The following ST3GAL4 variants were observed in gnomAD, a reference collection of about 807,000 sequenced individuals.
ST3GAL4 encodes ST3 beta-galactoside alpha-2,3-sialyltransferase 4, also known as CMP-N-acetylneuraminate-beta-galactosamide-alpha-2,3-sialyltransferase 4.
Under a neutral mutation model 42.6 loss-of-function variants are expected in ST3GAL4, and 24 were observed. That is an observed-to-expected ratio of 0.56 (90% CI 0.41 to 0.79). The LOEUF is 0.79. Ranked by LOEUF, ST3GAL4 falls within the 30% of genes least tolerant of loss-of-function variation. ST3GAL4 has a pLI of 0.00. For missense variants in ST3GAL4, 311 were observed against 430.8 expected (o/e 0.72, Z 2.46); for synonymous variants, 135 against 163.2 (o/e 0.83, Z 1.32).
chr11:126,412,525 A>T (rs978006219), intron 9 of ST3GAL4, among the ~76,000 whole-genome samples: 3 of 152,200 alleles, frequency 2.0e-5, no homozygotes, highest in African/African-American at 4.8e-5. Context: ...AGTAAGGTGA[A>T]TGGGAAAGGT....
In ST3GAL4 at chr11:126,379,706, G is replaced by C. The variant is rs1026060907; in HGVS notation, c.-61+23864G>C. On this transcript the variant is annotated intron_variant, in intron 1 of 10. Transcript: ENST00000444328. This position sits in a 1 kb window ranked among gnomAD's most constrained non-coding sequence, Gnocchi z 4.2. ...TTGGCCAGGCTGGTCTCAAACTCCTGACCTTAGGCGATCCAACCACCTTGG... is the reference window on the plus strand; with the variant it reads ...TTGGCCAGGCTGGTCTCAAACTCCTCACCTTAGGCGATCCAACCACCTTGG... 6.6e-6 allele frequency among the ~76,000 whole-genome samples: 1 copy of C among 152,024 alleles called. No individual in the cohort carries two copies. The highest frequency in any genetic ancestry group is 2.4e-5 in the African/African-American group (1 of 41,380).
intron 1 of ST3GAL4, among the ~76,000 whole-genome samples, chr11:126,389,010 T>C (rs1953362959): frequency 6.6e-6 from 1 of 152,128 alleles, no homozygotes; most frequent in Non-Finnish European, 1.5e-5. Context: ...ACTCGTGACC[T>C]CAGGTGATCC....
At position 126,397,025 on chromosome 11, in the gene ST3GAL4, C is replaced by A. The variant is rs1376924560; in HGVS notation, c.-60-9071C>A. Among the ~76,000 whole-genome samples the A allele has an allele frequency of 1.3e-5, 2 of 151,976 alleles. No homozygotes were observed. The highest frequency in any genetic ancestry group is 2.9e-5 in the Non-Finnish European group (2 of 68,004). On this transcript the variant is annotated intron_variant, in intron 1 of 10. Coordinates refer to ENST00000444328, the MANE Select transcript of ST3GAL4 (RefSeq NM_001254757.2). This position sits in a 1 kb window ranked among gnomAD's most constrained non-coding sequence, Gnocchi z 5.0. ...GAGGCCAGAGATGGCTGCTAAACAC[C>A]CCATAATACACAAGACAGACCCCGC...
At chr11:126,385,511 A>C (rs907737728) in intron 1 of ST3GAL4, among the ~76,000 whole-genome samples, 2 of 152,186 alleles carry the variant, frequency 1.3e-5, no homozygotes, top group African/African-American at 4.8e-5. Flanking sequence ...TGCATAGAGT[A>C]TAGAGATTAA....
In ST3GAL4 at chr11:126,376,048, T is replaced by TAG. The variant is rs1952824415; in HGVS notation, c.-61+20206_-61+20207insAG. On this transcript the variant is annotated intron_variant, in intron 1 of 10. Coordinates refer to ENST00000444328, the MANE Select transcript of ST3GAL4 (RefSeq NM_001254757.2). The surrounding 1 kb of genome is among the most constrained non-coding windows in gnomAD (Gnocchi z 5.1). ...CCACATTCTTGGCAGTTTAATAGAA[T>TAG]CTAGAGATATAAAGAAGTTCCTGAC... Among the ~76,000 whole-genome samples the TAG allele has an allele frequency of 6.6e-6, 1 of 152,062 alleles. No homozygotes were observed. The highest frequency in any genetic ancestry group is 1.5e-5 in the Non-Finnish European group (1 of 68,006).
At chr11:126,368,468 C>G (rs1285309798) in intron 1 of ST3GAL4, among the ~76,000 whole-genome samples, 1 of 152,234 alleles carries the variant, frequency 6.6e-6, no homozygotes, top group African/African-American at 2.4e-5. Context: ...CTTGGGGTCC[C>G]CAGCCTGCGC....
At chr11:126,405,556 C>G (rs1954191175) in intron 1 of ST3GAL4, 2 of 162,388 alleles carry the variant, frequency 1.2e-5, no homozygotes, top group Admixed American at 6.0e-5. Flanking sequence ...TAGCCCCACC[C>G]TCACTCCCCA....
intron 1 of ST3GAL4, among the ~76,000 whole-genome samples, chr11:126,388,292 G>A (rs1226713017): frequency 6.6e-6 from 1 of 152,140 alleles, no homozygotes. Flanking sequence ...TTACATTAAG[G>A]TAAATATTCA....
chr11:126,365,827 C>T (rs900512001), intron 1 of ST3GAL4, among the ~76,000 whole-genome samples: 4 of 152,134 alleles, frequency 2.6e-5, no homozygotes, highest in Non-Finnish European at 5.9e-5. Context: ...TGAGACGGGC[C>T]CAGAGGACAG....
At chr11:126,402,023 GT>G (rs774169273) in intron 1 of ST3GAL4, among the ~76,000 whole-genome samples, 6 of 148,376 alleles carry the variant, frequency 4.0e-5, no homozygotes, top group Non-Finnish European at 8.9e-5. Context: ...GAAAAGAGGA[GT>G]CATTGATTGG....
At chr11:126,372,148 C>T (rs559910473) in intron 1 of ST3GAL4, among the ~76,000 whole-genome samples, 8 of 152,238 alleles carry the variant, frequency 5.3e-5, no homozygotes, top group South Asian at 4.1e-4. Context: ...GCTACCATCC[C>T]GCCATCCAGC....
chr11:126,407,593 G>A lies in ST3GAL4; in HGVS notation c.300G>A (p.Val100=), dbSNP rs994122401. ...TKGSEDLLLR[V]LAITSSSIPK... Reference sequence around the variant, plus strand: ...TTGTAGAGGATCTGCTCCTCCGGGTGCTAGCCATCACCAGCTCCTCCATCC... The same window carrying A: ...TTGTAGAGGATCTGCTCCTCCGGGTACTAGCCATCACCAGCTCCTCCATCC... Residue 100 remains valine (V), a synonymous_variant, in exon 6 of 11, where the codon GTG becomes GTA. Coordinates refer to ENST00000444328, the MANE Select transcript of ST3GAL4 (RefSeq NM_001254757.2). 6.2e-7 allele frequency: 1 copy of A among 1,614,046 alleles called. No homozygotes were observed. Among genetic ancestry groups the A allele is most frequent in the African/African-American group, 1.3e-5 (1 of 74,918 alleles).
At chr11:126,361,069 C>T (rs758767990) in intron 1 of ST3GAL4, among the ~76,000 whole-genome samples, 3 of 152,160 alleles carry the variant, frequency 2.0e-5, no homozygotes, top group South Asian at 2.1e-4. Context: ...ACCACAGGGT[C>T]GGCTGGCCAC....
At chr11:126,371,164 T>A (rs1157349556) in intron 1 of ST3GAL4, among the ~76,000 whole-genome samples, 2 of 46,172 alleles carry the variant, frequency 4.3e-5, no homozygotes, top group East Asian at 7.5e-4. Context: ...CCCACATTCC[T>A]TTTTTTTTTT....
At chr11:126,362,522 A>C (rs548660779) in intron 1 of ST3GAL4, among the ~76,000 whole-genome samples, 12 of 152,258 alleles carry the variant, frequency 7.9e-5, no homozygotes, top group Admixed American at 3.9e-4. Context: ...TCTTAATGGG[A>C]TAATGTTTCA....
rs544392091 is a variant in ST3GAL4, at chr11:126,412,673, C to G, written c.772-832C>G. Among the ~76,000 whole-genome samples, 8 of 152,282 alleles carry G rather than the reference C, an allele frequency of 5.3e-5. No individual in the cohort carries two copies. In the South Asian group the frequency reaches 1.7e-3, roughly 32 times the overall value. The stretch of plus-strand genomic sequence containing the variant: ...CCTGGGCAACGTGGTGAAACCCCAT[C>G]TCTTTAAAAAAATAGAGCGCCACCC... On this transcript the variant is annotated intron_variant, in intron 9 of 10. Coordinates refer to ENST00000444328, the MANE Select transcript of ST3GAL4 (RefSeq NM_001254757.2).
At chr11:126,404,716 C>T (rs1014828648) in intron 1 of ST3GAL4, among the ~76,000 whole-genome samples, 7 of 152,232 alleles carry the variant, frequency 4.6e-5, no homozygotes, top group Admixed American at 6.5e-5. Flanking sequence ...GCTTCATCCC[C>T]TCTGGGGTTT....
At chr11:126,388,767 CTTTTTT>C (rs10683946) in intron 1 of ST3GAL4, among the ~76,000 whole-genome samples, 11 of 52,042 alleles carry the variant, frequency 2.1e-4, no homozygotes, top group Admixed American at 3.1e-4. Context: ...TTTTCAGTGT[CTTTTTT>C]TTTTTTTTTT....
rs1159984204 is a variant in ST3GAL4, at chr11:126,373,565, A to G, written c.-61+17723A>G. On this transcript the variant is annotated intron_variant, in intron 1 of 10. Coordinates refer to ENST00000444328, the MANE Select transcript of ST3GAL4 (RefSeq NM_001254757.2). The surrounding 1 kb of genome is among the most constrained non-coding windows in gnomAD (Gnocchi z 5.5). The stretch of plus-strand genomic sequence containing the variant: ...CTGGCAGCTGATAAACGGGTGATAC[A>G]GTGTTTCTATACAGGAGTCTGCAGT... Among the ~76,000 whole-genome samples the G allele has an allele frequency of 6.6e-6, 1 of 151,986 alleles. No individual in the cohort carries two copies. Among genetic ancestry groups the G allele is most frequent in the African/African-American group, 2.4e-5 (1 of 41,382 alleles).
Sources: gnomAD v4.1 joint callset for allele counts (sites outside exome capture counted in the v4.1 genomes callset) on GRCh38, gnomAD v4.1.1 for gene constraint, Gnocchi (gnomAD v3.1) non-coding constraint, MANE v1.5 for transcripts, NCBI Gene and HGNC (gene_info 2026-07-23, HGNC 2026-07-21) for gene names.